The following TH variants were observed in gnomAD, a reference collection of about 807,000 sequenced individuals.
The protein encoded by TH is tyrosine hydroxylase.
TH carries 49 observed loss-of-function variants against 57.4 expected under a neutral mutation model. The observed-to-expected ratio is 0.85, with a 90% CI of 0.68 to 1.08. The LOEUF (loss-of-function observed/expected upper bound fraction) is 1.08. TH is among the 50% of genes least tolerant of loss of function. TH has a pLI of 0.00. For missense variants in TH, 720 were observed against 696.7 expected, an observed-to-expected ratio of 1.03 and a Z score of -0.38; for synonymous variants, 330 against 304.5, an observed-to-expected ratio of 1.08 and a Z score of -0.87.
chr11:2,169,822 T>C lies in TH; in HGVS notation c.140A>G (p.Lys47Arg). ...TGCTGCCACCGCCGCCTCCCGCTCC[T>C]TGCGGGCGTCCTCGATGAGGCTCTG... ...RRQSLIEDAR[K>R]EREAAVAAAA... The change falls in exon 2 of 13, where the codon AAG becomes AGG. Residue 47 changes from lysine (K) to arginine (R), a missense_variant. Coordinates refer to ENST00000352909, the MANE Select transcript of TH (RefSeq NM_000360.4). 6.2e-7 allele frequency: 1 copy of C among 1,611,136 alleles called. No individual in the cohort carries two copies. The highest frequency in any genetic ancestry group is 8.5e-7 in the Non-Finnish European group (1 of 1,179,642).
rs11042950 is a variant in TH, at chr11:2,168,488, C to T, written c.487+3G>A. ...GGCCCTCAAGGACAGAAAACCGCCT[C>T]ACCCTTGGGCCCCGCGGGGCTGCGC... On this transcript the variant is annotated splice_donor_region_variant and intron_variant, in intron 3 of 12. Transcript: ENST00000352909. 15,994 of 1,612,286 alleles carry T rather than the reference C, an allele frequency of 9.9e-3. 124 individuals carry two copies. Among genetic ancestry groups the T allele is most frequent in the Middle Eastern group, 0.016 (96 of 5,978 alleles).
chr11:2,169,605 C>T lies in TH; in HGVS notation c.312+45G>A, dbSNP rs762182053. On this transcript the variant is annotated intron_variant, in intron 2 of 12. Transcript: ENST00000352909. ...CAGGAACTCAGCCCACACAGCCCCA[C>T]CCACAGGTGAACTTGCCCCAGGGAC... 15 of 1,596,178 alleles carry T rather than the reference C, an allele frequency of 9.4e-6. No homozygotes were observed. The East Asian group carries it at 3.4e-4, about 36-fold the overall frequency.
chr11:2,169,019 C>G (rs552777910), intron 2 of TH, among the ~76,000 whole-genome samples: 38 of 152,318 alleles, frequency 2.5e-4, no homozygotes, highest in African/African-American at 9.1e-4. Context: ...GTGGCCTCAT[C>G]CAGGTTTGTA....
intron 6 of TH, 192 bp downstream of exon 6, chr11:2,167,243 A>G: frequency 1.0e-6 from 1 of 961,132 alleles, no homozygotes; most frequent in Non-Finnish European, 1.6e-6. Flanking sequence ...CCCTCAGCAC[A>G]CTGGGGATGG....
At position 2,165,996 on chromosome 11, in the gene TH, A is replaced by T. The variant is rs1329692761; in HGVS notation, c.1104+6T>A. On this transcript the variant is annotated splice_donor_region_variant and intron_variant, in intron 10 of 12. Transcript: ENST00000352909. ...CCCCAGGCCCTGCAGGGAGGGGTCAACCCACCGTGGACAGCTTCTCAATTT... is the reference window on the plus strand; with the variant it reads ...CCCCAGGCCCTGCAGGGAGGGGTCATCCCACCGTGGACAGCTTCTCAATTT... 3 of 1,560,238 alleles carry T rather than the reference A, an allele frequency of 1.9e-6. No individual in the cohort carries two copies. Among genetic ancestry groups the T allele is most frequent in the Non-Finnish European group, 2.6e-6 (3 of 1,152,512 alleles).
chr11:2,167,396 C>A, intron 6 of TH, 39 bp downstream of exon 6: 1 of 1,549,628 alleles, frequency 6.5e-7, no homozygotes. Context: ...AGGCATCCCC[C>A]GGGCTCCTCC....
At chr11:2,165,567 G>A (rs891981028) in intron 11 of TH, 101 bp downstream of exon 11, 2 of 1,367,132 alleles carry the variant, frequency 1.5e-6, no homozygotes, top group Non-Finnish European at 2.1e-6. Context: ...AGTCCTGGAG[G>A]TCCAGGCCTC....
chr11:2,165,148 C>A (rs1167819637), intron 12 of TH, 84 bp downstream of exon 12: 21 of 1,603,916 alleles, frequency 1.3e-5, no homozygotes, highest in Non-Finnish European at 1.7e-5. Flanking sequence ...CTCACAGGTC[C>A]AGCCCTGCTC....
rs759112626 is a variant in TH at position 2,169,895 on chromosome 11, GCCT to G, written c.91-27_91-25del. 1.9e-6 allele frequency: 3 copies of G among 1,600,050 alleles called. No individual in the cohort carries two copies. In the Admixed American group the frequency reaches 5.1e-5, roughly 27 times the overall value. ...GACTGTGGGGACAAGGGGCACCCAT[GCCT>G]CCTCCACCTGCTGAGACCCGGGGAC... On this transcript the variant is annotated intron_variant, in intron 1 of 12. Transcript: ENST00000352909.
Position 2,171,100 on chromosome 11 carries a change from A to AATGAATGAATGAATG in TH, c.90+582_90+596dup, listed in dbSNP as rs1554924202. Among the ~76,000 whole-genome samples, 15 of 151,626 alleles carry AATGAATGAATGAATG rather than the reference A, an allele frequency of 9.9e-5. No homozygotes were observed. Among genetic ancestry groups the AATGAATGAATGAATG allele is most frequent in the South Asian group, 2.1e-4 (1 of 4,794 alleles). On this transcript the variant is annotated intron_variant, in intron 1 of 12. Transcript: ENST00000352909. This position sits in a 1 kb window ranked among gnomAD's most constrained non-coding sequence, Gnocchi z 8.6. The stretch of plus-strand genomic sequence containing the variant: ...AGACTCCATGGTGAATGAATGAATG[A>AATGAATGAATGAATG]ATGAATGAATGAATGAGGGAAATAA...
At chr11:2,169,380 G>A (rs1384726385) in intron 2 of TH, among the ~76,000 whole-genome samples, 1 of 152,128 alleles carries the variant, frequency 6.6e-6, no homozygotes, top group African/African-American at 2.4e-5. Flanking sequence ...AATGGTGGGT[G>A]AGGGGGATCC....
Sources: gnomAD v4.1 joint callset for allele counts (sites outside exome capture counted in the v4.1 genomes callset) on GRCh38, gnomAD v4.1.1 for gene constraint, Gnocchi (gnomAD v3.1) non-coding constraint, MANE v1.5 for transcripts, NCBI Gene and HGNC (gene_info 2026-07-23, HGNC 2026-07-21) for gene names.